Variants in TRIM44 observed in about 807,000 individuals in gnomAD.
The protein encoded by TRIM44 is tripartite motif containing 44.
A neutral mutation model predicts 37.4 loss-of-function variants in TRIM44; 13 were observed. The ratio of observed to expected loss-of-function variants is 0.35; its 90% confidence interval spans 0.23 to 0.55. The LOEUF (loss-of-function observed/expected upper bound fraction) is 0.55. Among genes scored for constraint, TRIM44 ranks in the 20% least tolerant of loss-of-function variants. TRIM44 has a pLI of 0.89. For missense variants in TRIM44, 426 were observed against 437.2 expected (o/e 0.97, Z 0.23); for synonymous variants, 175 against 157.2 (o/e 1.11, Z -0.85).
At chr11:35,802,201 C>G (rs1396162622) in intron 4 of TRIM44, among the ~76,000 whole-genome samples, 1 of 152,140 alleles carries the variant, frequency 6.6e-6, no homozygotes, top group African/African-American at 2.4e-5. Flanking sequence ...GCACACACCT[C>G]ATGATAACCA....
intron 4 of TRIM44, among the ~76,000 whole-genome samples, chr11:35,785,721 C>A (rs1420612820): frequency 6.6e-6 from 1 of 152,214 alleles, no homozygotes; most frequent in Non-Finnish European, 1.5e-5. Context: ...AAGAGAGTTC[C>A]TCTAGCAAAT....
At chr11:35,738,083 G>T (rs1852347812) in intron 4 of TRIM44, among the ~76,000 whole-genome samples, 1 of 152,158 alleles carries the variant, frequency 6.6e-6, no homozygotes, top group Non-Finnish European at 1.5e-5. Context: ...CCCAGAAAAA[G>T]AGTTCAAACA....
At chr11:35,704,965 G>T (rs1851856448) in intron 2 of TRIM44, among the ~76,000 whole-genome samples, 1 of 148,684 alleles carries the variant, frequency 6.7e-6, no homozygotes, top group Admixed American at 6.7e-5. Context: ...ACACAGACTG[G>T]CAAATTGGAT....
At position 35,735,468 on chromosome 11, in the gene TRIM44, C is replaced by A. The variant is rs779046466; in HGVS notation, c.1007+23C>A. ...CAGGTAAGATCACATTGTTGCTTGT[C>A]TTTTCTCATAATTGAAGTAGAGTGA... On this transcript the variant is annotated intron_variant, in intron 4 of 4. Transcript: ENST00000299413. The A allele has an allele frequency of 9.9e-6, 16 of 1,613,092 alleles. No individual in the cohort carries two copies. In the Middle Eastern group the frequency reaches 5.0e-4, roughly 50 times the overall value.
chr11:35,788,979 A>C (rs1853165470), intron 4 of TRIM44, among the ~76,000 whole-genome samples: 1 of 152,228 alleles, frequency 6.6e-6, no homozygotes, highest in African/African-American at 2.4e-5. Flanking sequence ...TTTCAGCCTG[A>C]GGCCCTAAAA....
chr11:35,777,893 T>G (rs1235844077), intron 4 of TRIM44, among the ~76,000 whole-genome samples: 2 of 152,230 alleles, frequency 1.3e-5, no homozygotes, highest in African/African-American at 2.4e-5. Context: ...TTAACATTTT[T>G]TCCTTCATTT....
chr11:35,687,834 T>C (rs1236483236), intron 2 of TRIM44, among the ~76,000 whole-genome samples: 1 of 152,204 alleles, frequency 6.6e-6, no homozygotes. Flanking sequence ...CCTGCACCTC[T>C]TTTTTACGTT....
At chr11:35,798,913 G>T (rs895223938) in intron 4 of TRIM44, among the ~76,000 whole-genome samples, 3 of 152,166 alleles carry the variant, frequency 2.0e-5, no homozygotes, top group Non-Finnish European at 2.9e-5. Context: ...ATTATCTGTG[G>T]TGGTAACATA....
chr11:35,778,995 GTCTGCTTGTT>G lies in TRIM44; in HGVS notation c.1008-27356_1008-27347del, dbSNP rs1389408066. Among the ~76,000 whole-genome samples, 7 of 152,336 alleles carry G rather than the reference GTCTGCTTGTT, an allele frequency of 4.6e-5. No individual in the cohort carries two copies. In the East Asian group the frequency reaches 7.7e-4, roughly 17 times the overall value. On this transcript the variant is annotated intron_variant, in intron 4 of 4. Coordinates refer to ENST00000299413, the MANE Select transcript of TRIM44 (RefSeq NM_017583.6). ...AAAGCTGTCAGACAGGGACACTTAA[GTCTGCTTGTT>G]TCTGCTGCCTTTTGTTCAGCTATGC... is the stretch of plus-strand genomic sequence containing the variant.
rs1399850822 is a variant in TRIM44, at chr11:35,806,587, G to T, written c.*202G>T. On this transcript the variant is annotated 3_prime_UTR_variant, in exon 5 of 5. Coordinates refer to ENST00000299413, the MANE Select transcript of TRIM44 (RefSeq NM_017583.6). ...ACTGTGTGCTTCTCATCCCCTGGTT[G>T]TGGTAGGTCAAGGAAAAGAGCCCCT... 2 of 582,482 alleles carry T rather than the reference G, an allele frequency of 3.4e-6. No homozygotes were observed. 36.1% of individuals were successfully genotyped at this position (582,482 alleles called of 1,614,324 possible).
intron 1 of TRIM44, among the ~76,000 whole-genome samples, chr11:35,674,232 T>C (rs1564941803): frequency 9.2e-6 from 1 of 109,112 alleles, no homozygotes; most frequent in Admixed American, 1.1e-4. Context: ...GAGAGAGAAT[T>C]TGCGTGTGTG....
chr11:35,734,408 G>T (rs1027178370), intron 3 of TRIM44, among the ~76,000 whole-genome samples: 1 of 152,172 alleles, frequency 6.6e-6, no homozygotes, highest in African/African-American at 2.4e-5. Context: ...ACATGAGTAA[G>T]CTATTAGAGC....
intron 3 of TRIM44, among the ~76,000 whole-genome samples, chr11:35,728,738 T>A (rs1346944386): frequency 6.6e-6 from 1 of 152,192 alleles, no homozygotes; most frequent in Non-Finnish European, 1.5e-5. Flanking sequence ...CAACATTTTA[T>A]TATAAAATTT....
chr11:35,768,226 A>G (rs1852822552), intron 4 of TRIM44, among the ~76,000 whole-genome samples: 1 of 152,232 alleles, frequency 6.6e-6, no homozygotes, highest in Non-Finnish European at 1.5e-5. Flanking sequence ...AAGTTTTATT[A>G]TTTAATCCCC....
At chr11:35,696,441 C>T (rs1041878396) in intron 2 of TRIM44, among the ~76,000 whole-genome samples, 2 of 151,760 alleles carry the variant, frequency 1.3e-5, no homozygotes, top group East Asian at 1.9e-4. Context: ...CGCAAGCAGC[C>T]GTCAAAAATT....
chr11:35,740,382 C>T (rs1361168343), intron 4 of TRIM44, among the ~76,000 whole-genome samples: 1 of 152,040 alleles, frequency 6.6e-6, no homozygotes, highest in Non-Finnish European at 1.5e-5. Flanking sequence ...GACCCTTAAA[C>T]TCTTGTGCTT....
intron 2 of TRIM44, among the ~76,000 whole-genome samples, chr11:35,693,939 T>G (rs752119637): frequency 6.6e-6 from 1 of 152,160 alleles, no homozygotes; most frequent in Non-Finnish European, 1.5e-5. Context: ...ACCAAGAGTT[T>G]GGAGTATGCT....
intron 4 of TRIM44, among the ~76,000 whole-genome samples, chr11:35,745,559 G>A (rs1852476508): frequency 6.6e-6 from 1 of 152,102 alleles, no homozygotes; most frequent in Admixed American, 6.5e-5. Flanking sequence ...GATGTATAAC[G>A]AAACCAATTT....
chr11:35,785,882 A>G (rs1177311883), intron 4 of TRIM44, among the ~76,000 whole-genome samples: 1 of 152,218 alleles, frequency 6.6e-6, no homozygotes, highest in Non-Finnish European at 1.5e-5. Flanking sequence ...TGTGCTTATA[A>G]GTCTGCTCTA....
Sources: allele counts gnomAD v4.1 joint callset (sites outside exome capture counted in the v4.1 genomes callset), GRCh38; gene constraint gnomAD v4.1.1; transcripts MANE v1.5; gene names NCBI Gene and HGNC (gene_info 2026-07-23, HGNC 2026-07-21).